The following SLC24A3 variants were observed in gnomAD, a reference collection of about 807,000 sequenced individuals.
The protein encoded by SLC24A3 is sodium/potassium/calcium exchanger 3.
In SLC24A3, 28 loss-of-function variants were observed where a neutral mutation model predicts 75.8. The ratio of observed to expected loss-of-function variants is 0.37; its 90% CI spans 0.27 to 0.51. The LOEUF (loss-of-function observed/expected upper bound fraction) is 0.51, where lower values mean the gene tolerates loss of function less well. Among genes scored for constraint, SLC24A3 ranks in the 20% least tolerant of loss-of-function variants. SLC24A3 has a pLI of 0.94. For missense variants in SLC24A3, 663 were observed against 847.8 expected, an observed-to-expected ratio of 0.78 and a Z score of 2.71; for synonymous variants, 372 against 334.1, an observed-to-expected ratio of 1.11 and a Z score of -1.24.
chr20:19,450,067 C>G (rs1474911711), intron 2 of SLC24A3, among the ~76,000 whole-genome samples: 1 of 152,076 alleles, frequency 6.6e-6, no homozygotes, highest in African/African-American at 2.4e-5. Context: ...TGGAATGGGT[C>G]AACACAAAAC....
intron 2 of SLC24A3, among the ~76,000 whole-genome samples, chr20:19,483,821 T>A (rs1235182906): frequency 1.3e-5 from 2 of 152,046 alleles, no homozygotes; most frequent in African/African-American, 4.8e-5. Flanking sequence ...AATCCCAGAG[T>A]ACCAAAGAGA....
chr20:19,463,887 TG>T (rs1430113696), intron 2 of SLC24A3, among the ~76,000 whole-genome samples: 2 of 152,154 alleles, frequency 1.3e-5, no homozygotes, highest in Non-Finnish European at 2.9e-5. Flanking sequence ...CCAAGATTGC[TG>T]GGGGGCAGCC....
chr20:19,221,571 T>C (rs1278971526), intron 1 of SLC24A3, among the ~76,000 whole-genome samples: 1 of 152,160 alleles, frequency 6.6e-6, no homozygotes, highest in Non-Finnish European at 1.5e-5. Flanking sequence ...ATATATTCCT[T>C]CTACCTCTAC....
chr20:19,330,038 A>G (rs1396190519), intron 2 of SLC24A3, among the ~76,000 whole-genome samples: 1 of 152,230 alleles, frequency 6.6e-6, no homozygotes, highest in Non-Finnish European at 1.5e-5. Context: ...AGGGCTCCTT[A>G]ACACACATCA....
At position 19,721,189 on chromosome 20, in the gene SLC24A3, G is replaced by A. The variant is rs755287146; in HGVS notation, c.*49G>A. ...CAGCTCCTTCTTTTCTGTGCAATAC[G>A]AGACCCGGCCGCACCCCGAGTCACA... On this transcript the variant is annotated 3_prime_UTR_variant, in exon 17 of 17. Coordinates refer to ENST00000328041, the MANE Select transcript of SLC24A3 (RefSeq NM_020689.4). 9.3e-6 allele frequency: 15 copies of A among 1,605,576 alleles called. No individual in the cohort carries two copies. Among genetic ancestry groups the A allele is most frequent in the East Asian group, 8.9e-5 (4 of 44,796 alleles).
rs1255531552 is a variant in SLC24A3, at chr20:19,585,323, C to G, written c.509-118C>G. The G allele has an allele frequency of 3.0e-6, 3 of 994,600 alleles. No homozygotes were observed. The East Asian group carries it at 7.2e-5, about 24-fold the overall frequency. 61.6% of individuals were successfully genotyped at this position (994,600 alleles called of 1,614,324 possible). A position where few individuals can be genotyped will look rare whatever the true frequency, so the allele number is the denominator to read the frequency against. ...TGTAGATTAGAAAGCTCTCTCCACC[C>G]CTCAGCTGTTTCCTGTAGATTCTGA... On this transcript the variant is annotated intron_variant, in intron 5 of 16. Transcript: ENST00000328041.
intron 1 of SLC24A3, among the ~76,000 whole-genome samples, chr20:19,237,660 A>T (rs1982203900): frequency 6.6e-6 from 1 of 152,100 alleles, no homozygotes; most frequent in Non-Finnish European, 1.5e-5. Context: ...CTGCGTCGTC[A>T]TTGAATGGAC....
intron 1 of SLC24A3, chr20:19,264,057 A>T (rs1983081374): frequency 7.4e-6 from 1 of 134,868 alleles, no homozygotes; most frequent in South Asian, 2.6e-4. Flanking sequence ...TCCCATCTCT[A>T]AAAAAAAAAA....
At chr20:19,704,189 AGATG>A (rs111948547) in intron 15 of SLC24A3, among the ~76,000 whole-genome samples, 1 of 151,026 alleles carries the variant, frequency 6.6e-6, no homozygotes, top group Non-Finnish European at 1.5e-5. Context: ...ATGGATGGAG[AGATG>A]GATGGATGGA....
intron 16 of SLC24A3, 32 bp downstream of exon 16, chr20:19,717,625 T>G (rs752072249): frequency 1.2e-6 from 2 of 1,613,382 alleles, no homozygotes. Context: ...CGTACTTGTG[T>G]TTGCCTGTTC....
chr20:19,689,019 A>G (rs1164657789), intron 12 of SLC24A3, among the ~76,000 whole-genome samples: 1 of 152,208 alleles, frequency 6.6e-6, no homozygotes, highest in Non-Finnish European at 1.5e-5. Context: ...ACATACATAC[A>G]TATAAACGTG....
intron 3 of SLC24A3, among the ~76,000 whole-genome samples, chr20:19,525,736 A>G (rs770478681): frequency 1.3e-5 from 2 of 152,098 alleles, no homozygotes; most frequent in Non-Finnish European, 2.9e-5. Context: ...CTGTGACAAC[A>G]CACACCAGAT....
intron 2 of SLC24A3, among the ~76,000 whole-genome samples, chr20:19,442,992 A>G (rs1987321084): frequency 1.3e-5 from 2 of 152,186 alleles, no homozygotes; most frequent in Non-Finnish European, 2.9e-5. Context: ...TCAGAGATCA[A>G]TTGACTATGT....
intron 2 of SLC24A3, among the ~76,000 whole-genome samples, chr20:19,332,064 GAGA>G (rs1985012281): frequency 7.9e-5 from 12 of 152,244 alleles, no homozygotes; most frequent in Admixed American, 7.9e-4. Context: ...GGATTAGGGA[GAGA>G]AGGAGAAGAA....
intron 3 of SLC24A3, among the ~76,000 whole-genome samples, chr20:19,548,564 G>C (rs909899860): frequency 6.6e-6 from 1 of 152,148 alleles, no homozygotes; most frequent in Non-Finnish European, 1.5e-5. Context: ...AGCATGATTG[G>C]GTTCTCTGCT....
chr20:19,361,068 C>T (rs1284590040), intron 2 of SLC24A3, among the ~76,000 whole-genome samples: 1 of 152,198 alleles, frequency 6.6e-6, no homozygotes, highest in Non-Finnish European at 1.5e-5. Flanking sequence ...ACCTCGTGAT[C>T]CACCTGCCTT....
chr20:19,470,921 C>G (rs949721104), intron 2 of SLC24A3, among the ~76,000 whole-genome samples: 1 of 152,178 alleles, frequency 6.6e-6, no homozygotes, highest in African/African-American at 2.4e-5. Flanking sequence ...CAGCAAAACA[C>G]TGTGGGGGTT....
intron 15 of SLC24A3, among the ~76,000 whole-genome samples, chr20:19,703,045 T>A (rs987497657): frequency 1.8e-4 from 27 of 152,162 alleles, no homozygotes; most frequent in African/African-American, 6.3e-4. Context: ...CAGGGAAGGA[T>A]CAACCTGGTG....
At chr20:19,607,239 T>C (rs1568670985) in intron 6 of SLC24A3, among the ~76,000 whole-genome samples, 1 of 152,152 alleles carries the variant, frequency 6.6e-6, no homozygotes, top group Non-Finnish European at 1.5e-5. Flanking sequence ...CTGTACTCTA[T>C]GGAATGCTTT....
Sources: allele counts gnomAD v4.1 joint callset (sites outside exome capture counted in the v4.1 genomes callset), GRCh38; gene constraint gnomAD v4.1.1; transcripts MANE v1.5; gene names NCBI Gene and HGNC (gene_info 2026-07-23, HGNC 2026-07-21).